Variants in TRNT1 observed in about 807,000 individuals in gnomAD.
The protein encoded by TRNT1 is CCA tRNA nucleotidyltransferase 1, mitochondrial.
TRNT1 carries 44 observed loss-of-function variants against 45.6 expected under a neutral mutation model. That is an observed-to-expected ratio of 0.97 (90% CI 0.76 to 1.24). The LOEUF (loss-of-function observed/expected upper bound fraction) is 1.24. TRNT1 is among the 50% of genes most tolerant of loss of function. The pLI is 0.00. For missense variants in TRNT1, 633 were observed against 504.4 expected (o/e 1.25, Z -2.44); for synonymous variants, 201 against 171.4 (o/e 1.17, Z -1.35).
At chr3:3,144,891 A>G in intron 5 of TRNT1, 181 bp downstream of exon 5, 1 of 406,144 alleles carries the variant, frequency 2.5e-6, no homozygotes, top group Non-Finnish European at 4.0e-6. Context: ...TTCATATTGT[A>G]TTTTCATTCC....
rs779778565 is a variant in TRNT1, at chr3:3,147,921, G to C, written c.1072G>C (p.Ala358Pro). 1 of 1,612,158 alleles carries C rather than the reference G, an allele frequency of 6.2e-7. No individual in the cohort carries two copies. Among genetic ancestry groups the C allele is most frequent in the South Asian group, 1.1e-5 (1 of 90,590 alleles). The change falls in exon 8 of 8, where the codon GCA becomes CCA. Residue 358 changes from alanine (A) to proline (P), a missense_variant. Ala to Pro is a conservative substitution (Grantham distance 27). Transcript: ENST00000251607. ...TGACACGTAGTCTAGGGAACCTGAT[G>C]CAACTACTCGTGTATGTGAACTACT... is the stretch of plus-strand genomic sequence containing the variant. ...DFIIDSREPD[A>P]TTRVCELLKY...
chr3:3,140,554 C>A lies in TRNT1; in HGVS notation c.387C>A (p.Val129=). Residue 129 remains valine (V), a synonymous_variant, in exon 4 of 8, where the codon GTC becomes GTA. Transcript: ENST00000251607. ...AGATTACTACACTACGGATTGATGTCACCACTGATGGAAGACATGCTGAGG... is the reference window on the plus strand; with the variant it reads ...AGATTACTACACTACGGATTGATGTAACCACTGATGGAAGACATGCTGAGG... ...NFEITTLRID[V]TTDGRHAEVE... The A allele has an allele frequency of 6.2e-7, 1 of 1,614,126 alleles. No homozygotes were observed. The highest frequency in any genetic ancestry group is 8.5e-7 in the Non-Finnish European group (1 of 1,180,000).
At chr3:3,149,325 A>ATATAATACATACTATT (rs1706306473), downstream of TRNT1, 2 of 152,168 alleles carry the variant, frequency 1.3e-5, no homozygotes, top group Non-Finnish European at 2.9e-5. Flanking sequence ...ACCCAACGTC[A>ATATAATACATACTATT]TATAATACAT....
chr3:3,133,588 C>G (rs115486727), intron 2 of TRNT1, among the ~76,000 whole-genome samples: 1,613 of 151,638 alleles, frequency 0.011, 29 homozygotes, highest in African/African-American at 0.038. Flanking sequence ...ATTTTTCTGT[C>G]CTAGAGATGA....
In TRNT1 at chr3:3,144,567, C is replaced by T. The variant is rs892813810; in HGVS notation, c.482-17C>T. On this transcript the variant is annotated splice_polypyrimidine_tract_variant and intron_variant, in intron 4 of 7. Transcript: ENST00000251607. ...TTTGCCAATAGTGATTTTTCTCCCT[C>T]CTTTTCTAATGAATAGGTTTTGATG... 1.3e-6 allele frequency: 2 copies of T among 1,569,554 alleles called. No individual in the cohort carries two copies. Among genetic ancestry groups the T allele is most frequent in the Non-Finnish European group, 1.7e-6 (2 of 1,155,520 alleles).
downstream of TRNT1, chr3:3,149,160 A>AGAG (rs1491141240): frequency 3.3e-5 from 5 of 152,266 alleles, no homozygotes; most frequent in East Asian, 9.6e-4. Flanking sequence ...ACAATTTTGT[A>AGAG]GAGTGTAATA....
chr3:3,151,235 T>C (rs1706523937), downstream of TRNT1, among the ~76,000 whole-genome samples: 1 of 152,212 alleles, frequency 6.6e-6, no homozygotes, highest in Non-Finnish European at 1.5e-5. Flanking sequence ...TTGTAATATG[T>C]ATGACTTTTA....
intron 2 of TRNT1, chr3:3,131,502 C>T (rs973762026): frequency 7.9e-5 from 12 of 151,578 alleles, no homozygotes; most frequent in Admixed American, 2.6e-4. Context: ...AACTGGATCC[C>T]TTCCTTACAC....
At chr3:3,150,115 G>C (rs1012480228), downstream of TRNT1, 1 of 152,058 alleles carries the variant, frequency 6.6e-6, no homozygotes, top group African/African-American at 2.4e-5. Context: ...ACATGTTTTG[G>C]CATCTTTTCC....
At chr3:3,128,679 T>C (rs1433808172) in intron 1 of TRNT1, among the ~76,000 whole-genome samples, 1 of 151,202 alleles carries the variant, frequency 6.6e-6, no homozygotes, top group Non-Finnish European at 1.5e-5. Context: ...GGCAAAACTC[T>C]TGGGGGGCTT....
chr3:3,140,747 CATT>C (rs1705598411), intron 4 of TRNT1, 99 bp downstream of exon 4: 3 of 1,419,446 alleles, frequency 2.1e-6, no homozygotes, highest in Non-Finnish European at 1.9e-6. Context: ...TGAGAAGTTG[CATT>C]AATTTCTTCT....
chr3:3,141,390 T>A (rs1308988459), intron 4 of TRNT1, among the ~76,000 whole-genome samples: 1 of 152,204 alleles, frequency 6.6e-6, no homozygotes, highest in African/African-American at 2.4e-5. Context: ...CTATCTTTCA[T>A]GCATGTTTAT....
In TRNT1 at chr3:3,129,317, A is replaced by G; in HGVS notation, c.148+129A>G. The G allele has an allele frequency of 5.5e-6, 5 of 904,876 alleles. 1 individual carries two copies. The South Asian group carries it at 8.6e-5, about 16-fold the overall frequency. The allele number at this position is 904,876 out of a possible 1,614,324, so 56.1% of individuals were successfully genotyped here. A position where few individuals can be genotyped will look rare whatever the true frequency, so the allele number is the denominator to read the frequency against. On this transcript the variant is annotated intron_variant, in intron 2 of 7. Transcript: ENST00000251607. Reference sequence around the variant, plus strand: ...ATTATTTTTATTAAAAAACGTAAGTAGAGGGTCTCTTTGTGTTGCCCAGGC... The same window carrying G: ...ATTATTTTTATTAAAAAACGTAAGTGGAGGGTCTCTTTGTGTTGCCCAGGC...
At chr3:3,129,545 C>G (rs1047719682) in intron 2 of TRNT1, 2 of 416,328 alleles carry the variant, frequency 4.8e-6, no homozygotes, top group East Asian at 1.1e-4. Flanking sequence ...TATGATCATG[C>G]CACTCTAGCC....
Position 3,137,282 on chromosome 3 carries a change from C to A in TRNT1, c.171C>A (p.His57Gln), listed in dbSNP as rs760080058. Reference protein sequence around the residue: ...SLTELFVKENHELRIAGGAVR... With the variant: ...SLTELFVKENQELRIAGGAVR... ...CAGAATTATTTGTCAAAGAGAATCACGAATTAAGAATAGCAGGAGGAGCAG... is the reference window on the plus strand; with the variant it reads ...CAGAATTATTTGTCAAAGAGAATCAAGAATTAAGAATAGCAGGAGGAGCAG... Residue 57 changes from histidine (H) to glutamine (Q), a missense_variant, in exon 3 of 8, where the codon CAC (histidine) becomes CAA (glutamine). Physicochemically the swap from His to Gln is conservative, Grantham distance 24 (BLOSUM62 0). Coordinates refer to ENST00000251607, the MANE Select transcript of TRNT1 (RefSeq NM_182916.3). 1 of 1,590,828 alleles carries A rather than the reference C, an allele frequency of 6.3e-7. No homozygotes were observed. The highest frequency in any genetic ancestry group is 2.3e-5 in the East Asian group (1 of 44,436).
downstream of TRNT1, chr3:3,149,168 A>G (rs1559234705): frequency 6.6e-6 from 1 of 152,136 alleles, no homozygotes; most frequent in East Asian, 1.9e-4. Flanking sequence ...GTAGAGTGTA[A>G]TATTTCTAAG....
chr3:3,134,192 T>C (rs62228609), intron 2 of TRNT1, among the ~76,000 whole-genome samples: 3,180 of 152,256 alleles, frequency 0.021, 101 homozygotes, highest in African/African-American at 0.066. Context: ...TCTTTTGAAA[T>C]GTTGACTGCC....
downstream of TRNT1, chr3:3,152,631 T>C: frequency 1.2e-6 from 2 of 1,611,636 alleles, no homozygotes; most frequent in Non-Finnish European, 1.7e-6. Flanking sequence ...AAACGAGAAG[T>C]CTAATTTTAT....
At chr3:3,150,048 T>G (rs1161494945), downstream of TRNT1, 1 of 152,178 alleles carries the variant, frequency 6.6e-6, no homozygotes, top group Non-Finnish European at 1.5e-5. Flanking sequence ...CTTACAGATT[T>G]TCTTCAATTT....
Sources: allele counts gnomAD v4.1 joint callset (sites outside exome capture counted in the v4.1 genomes callset), GRCh38; gene constraint gnomAD v4.1.1; transcripts MANE v1.5; gene names NCBI Gene and HGNC (gene_info 2026-07-23, HGNC 2026-07-21).